The following RABGAP1L variants were observed in gnomAD, a reference collection of about 807,000 sequenced individuals.
RABGAP1L encodes rab GTPase-activating protein 1-like.
A neutral mutation model predicts 137.7 loss-of-function variants in RABGAP1L; 63 were observed. The ratio of observed to expected loss-of-function variants is 0.46; its 90% CI spans 0.37 to 0.56. RABGAP1L has a LOEUF of 0.56. Among genes scored for constraint, RABGAP1L ranks in the 20% least tolerant of loss-of-function variants. The pLI, the probability that RABGAP1L is intolerant of heterozygous loss-of-function variation, is 0.00. For synonymous variants in RABGAP1L, 431 were observed against 433.7 expected (o/e 0.99, Z 0.08); for missense variants, 1,095 against 1,244.0 (o/e 0.88, Z 1.80).
At chr1:174,232,752 C>T (rs549487757) in intron 4 of RABGAP1L, among the ~76,000 whole-genome samples, 21 of 148,722 alleles carry the variant, frequency 1.4e-4, no homozygotes, top group Admixed American at 1.2e-3. Flanking sequence ...CAGAGCAAGA[C>T]GCCATCTCAA....
At chr1:174,400,139 T>C (rs1387719211) in intron 13 of RABGAP1L, among the ~76,000 whole-genome samples, 1 of 152,210 alleles carries the variant, frequency 6.6e-6, no homozygotes, top group Non-Finnish European at 1.5e-5. Context: ...TGGCTATCAA[T>C]ACATCAAAGA....
chr1:174,433,732 A>G (rs926704554), intron 13 of RABGAP1L, among the ~76,000 whole-genome samples: 17 of 152,190 alleles, frequency 1.1e-4, no homozygotes, highest in South Asian at 4.1e-4. Flanking sequence ...TCTTTTAGAC[A>G]TTTTAGTAGC....
intron 1 of RABGAP1L, among the ~76,000 whole-genome samples, chr1:174,200,373 GTACTTGATTA>G (rs1275654659): frequency 6.6e-6 from 1 of 152,096 alleles, no homozygotes; most frequent in Non-Finnish European, 1.5e-5. Context: ...ATACCTTTTT[GTACTTGATTA>G]GTCCATTAGG....
chr1:174,551,997 A>T (rs1297768037), intron 13 of RABGAP1L, among the ~76,000 whole-genome samples: 1 of 152,198 alleles, frequency 6.6e-6, no homozygotes, highest in Non-Finnish European at 1.5e-5. Flanking sequence ...AGACAATCTG[A>T]ATAGCTATTT....
At chr1:174,864,142 T>C (rs189705034) in intron 19 of RABGAP1L, among the ~76,000 whole-genome samples, 81 of 152,328 alleles carry the variant, frequency 5.3e-4, no homozygotes, top group Admixed American at 2.0e-3. Context: ...GTTTTACTTT[T>C]GGTTGTTTGA....
intron 19 of RABGAP1L, among the ~76,000 whole-genome samples, chr1:174,872,192 T>C (rs997473566): frequency 5.3e-4 from 80 of 152,002 alleles, no homozygotes; most frequent in Admixed American, 5.2e-3. Context: ...AGGTTTTGAA[T>C]TTTCCTAGCA....
At chr1:174,637,641 C>A (rs1000108148) in intron 14 of RABGAP1L, among the ~76,000 whole-genome samples, 153 bp downstream of exon 14, 1 of 152,156 alleles carries the variant, frequency 6.6e-6, no homozygotes, top group Non-Finnish European at 1.5e-5. Flanking sequence ...CAGTACTGAT[C>A]CCAGAAGGTG....
intron 18 of RABGAP1L, among the ~76,000 whole-genome samples, chr1:174,775,500 A>G (rs1280645248): frequency 6.6e-6 from 1 of 151,968 alleles, no homozygotes; most frequent in African/African-American, 2.4e-5. Context: ...TTTAGTAGAG[A>G]CAGGGTTTCA....
intron 11 of RABGAP1L, among the ~76,000 whole-genome samples, chr1:174,331,383 A>G (rs1021126921): frequency 6.6e-6 from 1 of 152,222 alleles, no homozygotes; most frequent in African/African-American, 2.4e-5. Flanking sequence ...AAAATCAACA[A>G]TGAAGAGACA....
rs967416150 is a variant in RABGAP1L at position 174,832,114 on chromosome 1, G to A, written c.2340+20154G>A. 1.0e-4 allele frequency among the ~76,000 whole-genome samples: 15 copies of A among 146,960 alleles called. 1 individual carries two copies. Among genetic ancestry groups the A allele is most frequent in the Non-Finnish European group, 2.0e-4 (13 of 66,234 alleles). On this transcript the variant is annotated intron_variant, in intron 19 of 25. Transcript: ENST00000681986. Reference sequence around the variant, plus strand: ...TCGAGACTAGCCTGGCCATCATAGTGAAACCCTGTCTCTACAAAAAATGCA... The same window carrying A: ...TCGAGACTAGCCTGGCCATCATAGTAAAACCCTGTCTCTACAAAAAATGCA...
At chr1:174,716,732 G>A (rs1470149492) in intron 17 of RABGAP1L, among the ~76,000 whole-genome samples, 1 of 152,046 alleles carries the variant, frequency 6.6e-6, no homozygotes, top group Non-Finnish European at 1.5e-5. Context: ...CATCCTAGTA[G>A]TATAGCCCAT....
At chr1:174,437,901 T>G (rs981023386) in intron 13 of RABGAP1L, among the ~76,000 whole-genome samples, 10 of 151,706 alleles carry the variant, frequency 6.6e-5, no homozygotes, top group Admixed American at 5.9e-4. Flanking sequence ...CAGAAGAGAG[T>G]GGGGGCCAAT....
intron 15 of RABGAP1L, among the ~76,000 whole-genome samples, chr1:174,692,680 C>T (rs1678955770): frequency 6.6e-6 from 1 of 152,124 alleles, no homozygotes; most frequent in African/African-American, 2.4e-5. Flanking sequence ...TTTACCTATG[C>T]ATCTGTTTAT....
At chr1:174,524,565 T>G (rs1663711566) in intron 13 of RABGAP1L, among the ~76,000 whole-genome samples, 1 of 152,218 alleles carries the variant, frequency 6.6e-6, no homozygotes. Context: ...ATGAATAGTT[T>G]GCAGATATTT....
At chr1:174,320,917 A>G (rs943884411) in intron 11 of RABGAP1L, among the ~76,000 whole-genome samples, 8 of 152,176 alleles carry the variant, frequency 5.3e-5, no homozygotes, top group Non-Finnish European at 1.0e-4. Flanking sequence ...AACAAGGGAG[A>G]TAACCATTAG....
At chr1:174,629,622 A>G (rs1262747871) in intron 13 of RABGAP1L, among the ~76,000 whole-genome samples, 3 of 152,120 alleles carry the variant, frequency 2.0e-5, no homozygotes, top group Non-Finnish European at 4.4e-5. Flanking sequence ...TCCCAGGTTC[A>G]AGCGATTCTC....
chr1:174,681,506 A>T (rs907974553), intron 14 of RABGAP1L, among the ~76,000 whole-genome samples: 1 of 152,230 alleles, frequency 6.6e-6, no homozygotes, highest in East Asian at 1.9e-4. Context: ...AAATTTTTTT[A>T]AATGAAAAAC....
At chr1:174,642,184 ATTAAC>A (rs1674580014) in intron 14 of RABGAP1L, among the ~76,000 whole-genome samples, 1 of 152,164 alleles carries the variant, frequency 6.6e-6, no homozygotes, top group African/African-American at 2.4e-5. Context: ...GGATACTGCT[ATTAAC>A]TTAATGGGAG....
chr1:174,634,216 G>C (rs1391556108), intron 13 of RABGAP1L, among the ~76,000 whole-genome samples: 2 of 139,450 alleles, frequency 1.4e-5, no homozygotes, highest in Non-Finnish European at 3.0e-5. Flanking sequence ...ATCAAAAAGT[G>C]GGCGAAGGAC....
Sources: gnomAD v4.1 joint callset for allele counts (sites outside exome capture counted in the v4.1 genomes callset) on GRCh38, gnomAD v4.1.1 for gene constraint, MANE v1.5 for transcripts, NCBI Gene and HGNC (gene_info 2026-07-23, HGNC 2026-07-21) for gene names.